FLNA: variants seen among roughly 807,000 people sequenced by gnomAD.
FLNA encodes filamin-A.
Under a neutral mutation model 157.6 loss-of-function variants are expected in FLNA, and 7 were observed. The observed-to-expected ratio is 0.04, with a 90% CI of 0.03 to 0.08. The LOEUF (loss-of-function observed/expected upper bound fraction) is 0.08, where lower values mean the gene tolerates loss of function less well. Ranked by LOEUF, FLNA falls within the 10% of genes least tolerant of loss-of-function variation. The probability of loss-of-function intolerance (pLI) is 1.00; values close to 1 mark genes in which losing one functional copy is unlikely to be tolerated. For synonymous variants in FLNA, 1,103 were observed against 1,060.8 expected (o/e 1.04, Z -0.77); for missense variants, 1,750 against 2,398.4 (o/e 0.73, Z 5.65).
At position 154,353,137 on chromosome X, in the gene FLNA, C is replaced by T. The variant is rs2148105105; in HGVS notation, c.6090G>A (p.Val2030=). 8.3e-7 allele frequency: 1 copy of T among 1,211,512 alleles called. No homozygotes were observed. The highest frequency in any genetic ancestry group is 1.1e-6 in the Non-Finnish European group (1 of 895,479). ...LVHVKKNGQH[V]ASSPIPVVIS... ...TCACCACCGGGATGGGGCTGCTGGC[C>T]ACGTGCTGGCCATTTTTCTTCACAT... Residue 2030 remains valine, a synonymous_variant, in exon 38 of 48, where the codon GTG becomes GTA. Transcript: ENST00000369850.
At chrX:154,368,926 G>A (rs1353671999) in intron 2 of FLNA, among the ~76,000 whole-genome samples, 7 of 113,059 alleles carry the variant, frequency 6.2e-5, no homozygotes, top group Non-Finnish European at 1.3e-4. Context: ...CGCCACAGGG[G>A]AAGTGGTTAG....
intron 29 of FLNA, 77 bp from the exon 30 acceptor site, chrX:154,357,351 G>C (rs782789369): frequency 1.0e-4 from 122 of 1,189,657 alleles, no homozygotes; most frequent in Non-Finnish European, 1.4e-4. Flanking sequence ...CCCACACGCC[G>C]CCCCAAGCAG....
chrX:154,359,427 G>A, intron 24 of FLNA, 21 bp from the exon 25 acceptor site: 1 of 1,211,692 alleles, frequency 8.3e-7, no homozygotes, highest in Admixed American at 2.2e-5. Flanking sequence ...CAGACAGCCG[G>A]TCATTCCTGG....
At position 154,364,004 on chromosome X, in the gene FLNA, C is replaced by T. The variant is rs376960489; in HGVS notation, c.2280+18G>A. 26 of 1,206,747 alleles carry T rather than the reference C, an allele frequency of 2.2e-5. No individual in the cohort carries two copies. The highest frequency in any genetic ancestry group is 1.8e-4 in the South Asian group (10 of 56,798). On this transcript the variant is annotated intron_variant, in intron 15 of 47. Coordinates refer to ENST00000369850, the MANE Select transcript of FLNA (RefSeq NM_001110556.2). Reference sequence around the variant, plus strand: ...AATGCTATCGAGATGGACTAAAGGCCGGTGGAGGTTGGCTCACCCTGAAGG... The same window carrying T: ...AATGCTATCGAGATGGACTAAAGGCTGGTGGAGGTTGGCTCACCCTGAAGG...
At chrX:154,357,322 C>G (rs1355302203) in intron 29 of FLNA, 48 bp from the exon 30 acceptor site, 6 of 1,198,638 alleles carry the variant, frequency 5.0e-6, no homozygotes, top group Non-Finnish European at 6.8e-6. Context: ...GTGAGTCACT[C>G]AAGGGGGCGG....
At chrX:154,350,737 G>A (rs1439148906) in intron 44 of FLNA, 172 bp downstream of exon 44, 3 of 522,431 alleles carry the variant, frequency 5.7e-6, no homozygotes, top group Admixed American at 2.7e-5. Context: ...TGTGGGTGGC[G>A]AGCCACATCC....
In FLNA at chrX:154,359,502, T is replaced by C. The variant is rs1195914131; in HGVS notation, c.4124A>G (p.Lys1375Arg). The C allele has an allele frequency of 1.7e-6, 2 of 1,209,857 alleles. No homozygotes were observed. Among genetic ancestry groups the C allele is most frequent in the Admixed American group, 4.4e-5 (2 of 45,898 alleles). ...CCCTTACCTGGTCTCCACAGTGAAC[T>C]TGTTGGGCTTGTTGGTGGTGCCACT... is the stretch of plus-strand genomic sequence containing the variant. The part of the protein sequence containing the change: ...IQSGTTNKPN[K>R]FTVETRGAGT... The change falls in exon 24 of 48, where the codon AAG becomes AGG. Residue 1375 changes from lysine (K) to arginine (R), a missense_variant. Physicochemically the swap from Lys to Arg is conservative, Grantham distance 26 (BLOSUM62 2). Coordinates refer to ENST00000369850, the MANE Select transcript of FLNA (RefSeq NM_001110556.2).
intron 1 of FLNA, among the ~76,000 whole-genome samples, chrX:154,374,140 T>G (rs988624443): frequency 8.9e-6 from 1 of 112,191 alleles, no homozygotes; most frequent in Admixed American, 9.3e-5. Flanking sequence ...AGGTGGCCAC[T>G]CGCCCTGAGT....
At chrX:154,368,881 T>C (rs1190611287) in intron 2 of FLNA, among the ~76,000 whole-genome samples, 1 of 112,804 alleles carries the variant, frequency 8.9e-6, no homozygotes, top group Non-Finnish European at 1.9e-5. Context: ...CCTGACCCAC[T>C]TGCCACCTAA....
At position 154,360,283 on chromosome X, in the gene FLNA, T is replaced by C; in HGVS notation, c.3512A>G (p.Glu1171Gly). The change falls in exon 22 of 48, where the codon GAG becomes GGG. Residue 1171 changes from glutamate (E) to glycine (G), a missense_variant. By Grantham distance (98) the Glu-to-Gly change is moderately conservative. Transcript: ENST00000369850. ...SKVKCSGPGL[E>G]RATAGEVGQF... ...GCCCACCTCCCCAGCGGTGGCCCGC[T>C]CCAGCCCGGGGCCTGAGCACTTGAC... 4 of 1,211,678 alleles carry C rather than the reference T, an allele frequency of 3.3e-6. No individual in the cohort carries two copies. Among genetic ancestry groups the C allele is most frequent in the Non-Finnish European group, 4.5e-6 (4 of 895,664 alleles).
intron 18 of FLNA, 23 bp from the exon 19 acceptor site, chrX:154,362,171 GTAGGGGCACCC>G: frequency 8.3e-7 from 1 of 1,210,419 alleles, no homozygotes; most frequent in Non-Finnish European, 1.1e-6. Context: ...CAGGGACCAT[GTAGGGGCACCC>G]TGCCCCAAGC....
Position 154,348,744 on chromosome X carries a change from AGGCGGGCGGCCAGGGCGGCCTG to A in FLNA, c.*83_*104del. ...ACAGGGCAGGGGCGGCTGCAGTGAC[AGGCGGGCGGCCAGGGCGGCCTG>A]GGCCGGGGTTGAGGGGAAGAGGGCG... is the stretch of plus-strand genomic sequence containing the variant. On this transcript the variant is annotated 3_prime_UTR_variant, in exon 48 of 48. Transcript: ENST00000369850. 1.4e-6 allele frequency: 1 copy of A among 738,727 alleles called. No homozygotes were observed. The highest frequency in any genetic ancestry group is 2.7e-5 in the South Asian group (1 of 37,334). 60.9% of individuals were successfully genotyped at this position (738,727 alleles called of 1,213,427 possible).
In FLNA at chrX:154,360,719, C is replaced by T. The variant is rs112846068; in HGVS notation, c.3208-132G>A. Reference sequence around the variant, plus strand: ...AAACAGGGACACGGGCGGGCCCAGGCTGCCTGCCAGATGGGCCATCCATCA... The same window carrying T: ...AAACAGGGACACGGGCGGGCCCAGGTTGCCTGCCAGATGGGCCATCCATCA... On this transcript the variant is annotated intron_variant, in intron 21 of 47. Transcript: ENST00000369850. 9 of 586,607 alleles carry T rather than the reference C, an allele frequency of 1.5e-5. 1 individual carries two copies. Among genetic ancestry groups the T allele is most frequent in the African/African-American group, 6.7e-5 (3 of 44,985 alleles). The allele number at this position is 586,607 out of a possible 1,213,427, so 48.3% of individuals were successfully genotyped here. A position where few individuals can be genotyped will look rare whatever the true frequency, so the allele number is the denominator to read the frequency against.
At chrX:154,370,389 G>A (rs2067795926) in intron 2 of FLNA, among the ~76,000 whole-genome samples, 2 of 111,976 alleles carry the variant, frequency 1.8e-5, no homozygotes, top group South Asian at 7.3e-4. Context: ...CATCCTCCAG[G>A]GACACAAAGA....
intron 43 of FLNA, 42 bp from the exon 44 acceptor site, chrX:154,351,083 C>A (rs781977200): frequency 8.3e-7 from 1 of 1,203,573 alleles, no homozygotes; most frequent in Middle Eastern, 2.6e-4. Context: ...GTGCTTGAGC[C>A]AGGGCAAGGG....
At position 154,357,307 on chromosome X, in the gene FLNA, G is replaced by T. The variant is rs782541139; in HGVS notation, c.4946-33C>A. ...GAGAGGGCAGAGAGCAAGGAGAAAG[G>T]TCAGGTGAGTCACTCAAGGGGGCGG... On this transcript the variant is annotated intron_variant, in intron 29 of 47. Coordinates refer to ENST00000369850, the MANE Select transcript of FLNA (RefSeq NM_001110556.2). 10 of 1,205,231 alleles carry T rather than the reference G, an allele frequency of 8.3e-6. No individual in the cohort carries two copies. The African/African-American group carries it at 1.7e-4, about 21-fold the overall frequency.
intron 21 of FLNA, among the ~76,000 whole-genome samples, chrX:154,360,987 C>CCGT (rs1394678789): frequency 1.2e-5 from 1 of 86,610 alleles, no homozygotes; most frequent in Admixed American, 1.5e-4. Context: ...GCGGAGGGTG[C>CCGT]CGTGAGCCAA....
intron 5 of FLNA, 87 bp downstream of exon 5, chrX:154,367,309 AC>A: frequency 9.7e-7 from 1 of 1,026,346 alleles, no homozygotes. Flanking sequence ...GTAACCCAAG[AC>A]CCCTGGGGAC....
Position 154,364,131 on chromosome X carries a change from T to C in FLNA, c.2171A>G (p.Lys724Arg), listed in dbSNP as rs782024317. The C allele has an allele frequency of 8.3e-7, 1 of 1,211,045 alleles. No homozygotes were observed. The highest frequency in any genetic ancestry group is 2.2e-5 in the Admixed American group (1 of 46,064). Residue 724 changes from lysine (K) to arginine (R), a missense_variant, in exon 15 of 48, where the codon AAG becomes AGG. Lys to Arg is a conservative substitution (Grantham distance 26, BLOSUM62 2). Transcript: ENST00000369850. ...NEGCPVEALV[K>R]DNGNGTYSCS... ...GCTGTAAGTGCCATTGCCGTTGTCC[T>C]TGACCAACGCCTCCACAGGGCAGCC... is the stretch of plus-strand genomic sequence containing the variant.
Sources: allele counts gnomAD v4.1 joint callset (sites outside exome capture counted in the v4.1 genomes callset), GRCh38; gene constraint gnomAD v4.1.1; transcripts MANE v1.5; gene names NCBI Gene and HGNC (gene_info 2026-07-23, HGNC 2026-07-21).